MYO18A: variants seen among roughly 807,000 people sequenced by gnomAD.
The protein encoded by MYO18A is myosin XVIIIA, also known as unconventional myosin-XVIIIa.
Under a neutral mutation model 235.8 loss-of-function variants are expected in MYO18A, and 78 were observed. The ratio of observed to expected loss-of-function variants is 0.33; its 90% CI spans 0.28 to 0.40. MYO18A has a LOEUF of 0.40. MYO18A is among the 10% of genes least tolerant of loss of function. MYO18A has a pLI of 1.00. For missense variants in MYO18A, 2,215 were observed against 2,699.3 expected, an observed-to-expected ratio of 0.82 and a Z score of 3.98; for synonymous variants, 977 against 1,077.8, an observed-to-expected ratio of 0.91 and a Z score of 1.83.
rs773484681 is a variant in MYO18A at position 29,092,942 on chromosome 17, C to G, written c.4986G>C (p.Lys1662Asn). Reference sequence around the variant, plus strand: ...TGAGCTGGGCATCTGCCAGCAGGGCCTTGGTGCGCTTCAGGTCCTTCCGCA... The same window carrying G: ...TGAGCTGGGCATCTGCCAGCAGGGCGTTGGTGCGCTTCAGGTCCTTCCGCA... ...KRLRKDLKRT[K>N]ALLADAQLML... The change falls in exon 33 of 42, where the codon AAG becomes AAC. Residue 1662 changes from lysine to asparagine, a missense_variant. By Grantham distance (94) the Lys-to-Asn change is moderately conservative. Transcript: ENST00000527372. 6 of 1,613,912 alleles carry G rather than the reference C, an allele frequency of 3.7e-6. No individual in the cohort carries two copies. Among genetic ancestry groups the G allele is most frequent in the African/African-American group, 1.3e-5 (1 of 75,068 alleles).
chr17:29,096,678 T>G (rs1200395705), intron 28 of MYO18A, 83 bp downstream of exon 28: 8 of 1,417,236 alleles, frequency 5.6e-6, no homozygotes, highest in Non-Finnish European at 7.4e-6. Flanking sequence ...CCTTCCTTCT[T>G]TCCTCCCTGG....
intron 11 of MYO18A, among the ~76,000 whole-genome samples, chr17:29,116,225 A>C (rs2152839714): frequency 6.6e-6 from 1 of 152,322 alleles, no homozygotes; most frequent in Middle Eastern, 3.4e-3. Flanking sequence ...TTATCTTGAG[A>C]GATCGCTCAT....
At chr17:29,095,093 G>T in intron 28 of MYO18A, 34 bp from the exon 29 acceptor site, 2 of 1,496,312 alleles carry the variant, frequency 1.3e-6, no homozygotes, top group South Asian at 2.7e-5. Flanking sequence ...ATCAGATGGG[G>T]AAGAGCCAGG....
chr17:29,093,663 C>A (rs2066453948), intron 31 of MYO18A, among the ~76,000 whole-genome samples: 1 of 151,998 alleles, frequency 6.6e-6, no homozygotes, highest in African/African-American at 2.4e-5. Flanking sequence ...GTAGGAGAGA[C>A]CTTGCCGCAT....
chr17:29,165,860 G>T, intron 2 of MYO18A, 82 bp downstream of exon 2: 1 of 1,325,424 alleles, frequency 7.5e-7, no homozygotes. Flanking sequence ...AACAGCTCTT[G>T]GGTACCCCGA....
At chr17:29,082,145 T>C (rs1388617349) in intron 41 of MYO18A, among the ~76,000 whole-genome samples, 171 bp downstream of exon 41, 3 of 152,234 alleles carry the variant, frequency 2.0e-5, no homozygotes, top group Non-Finnish European at 4.4e-5. Context: ...GACGCAGCCC[T>C]GGCTAAGAAG....
chr17:29,104,323 G>A (rs867556605), intron 20 of MYO18A, among the ~76,000 whole-genome samples: 2 of 152,298 alleles, frequency 1.3e-5, no homozygotes, highest in South Asian at 2.1e-4. Flanking sequence ...AGGAGAACAC[G>A]CAGCAGGTGT....
rs2068282201 is a variant in MYO18A, at chr17:29,166,296, T to TGGGGGCAGGGGCACCACG, written c.627_644dup (p.Val210_Pro215dup). 5.6e-6 allele frequency: 9 copies of TGGGGGCAGGGGCACCACG among 1,612,504 alleles called. No homozygotes were observed. Among genetic ancestry groups the TGGGGGCAGGGGCACCACG allele is most frequent in the East Asian group, 2.2e-5 (1 of 44,864 alleles). On this transcript the variant is annotated inframe_insertion, in exon 2 of 42. Coordinates refer to ENST00000527372, the MANE Select transcript of MYO18A (RefSeq NM_078471.4). ...GCAGCTCCAGCTCCCGGAGGGTAGG[T>TGGGGGCAGGGGCACCACG]GGGGGCAGGGGCACCACGGGGGGCA...
At chr17:29,114,857 G>A (rs746244116) in intron 14 of MYO18A, 50 bp downstream of exon 14, 35 of 1,564,580 alleles carry the variant, frequency 2.2e-5, no homozygotes, top group Non-Finnish European at 2.9e-5. Context: ...CTCGCTGTGG[G>A]TGCCAAGGCC....
rs1461913806 is a variant in MYO18A, at chr17:29,090,610, G to A, written c.5310C>T (p.Ser1770=). 1 of 1,597,428 alleles carries A rather than the reference G, an allele frequency of 6.3e-7. No individual in the cohort carries two copies. The highest frequency in any genetic ancestry group is 1.1e-5 in the South Asian group (1 of 88,860). The change falls in exon 36 of 42, where the codon TCC becomes TCT. Residue 1770 remains serine, a synonymous_variant. Transcript: ENST00000527372. ...GATCATTTATCTGAGCCAGGTCCCG[G>A]GAAGCCTGGGAAAGGAATGAGAGCA... ...KKHKAAVAQA[S]RDLAQINDLQ...
intron 2 of MYO18A, among the ~76,000 whole-genome samples, chr17:29,154,121 T>TGTGTGTGTGCGCGCGCGCGCGCGCGCGC (rs142430455): frequency 6.7e-6 from 1 of 148,998 alleles, no homozygotes; most frequent in African/African-American, 2.5e-5. Flanking sequence ...TGTGTGTGTG[T>TGTGTGTGTGCGCGCGCGCGCGCGCGCGC]GCGCGCGCGT....
intron 2 of MYO18A, among the ~76,000 whole-genome samples, chr17:29,129,561 C>T (rs966658387): frequency 2.6e-5 from 4 of 152,202 alleles, no homozygotes; most frequent in Non-Finnish European, 5.9e-5. Flanking sequence ...CCTGGGTTCT[C>T]CTTGTTGGCC....
chr17:29,148,680 T>A (rs2067901349), intron 2 of MYO18A, among the ~76,000 whole-genome samples: 2 of 151,802 alleles, frequency 1.3e-5, no homozygotes, highest in African/African-American at 4.8e-5. Context: ...GGTATTGAGG[T>A]GCCAAGATTT....
At chr17:29,147,519 C>T (rs1196169349) in intron 2 of MYO18A, among the ~76,000 whole-genome samples, 25 of 149,516 alleles carry the variant, frequency 1.7e-4, no homozygotes, top group African/African-American at 5.9e-4. Context: ...GAGACCCTGC[C>T]TAAAAACAAA....
chr17:29,128,647 T>A (rs1567617203), intron 2 of MYO18A: 2 of 906,084 alleles, frequency 2.2e-6, no homozygotes, highest in East Asian at 6.8e-5. Flanking sequence ...CTGGAACAGA[T>A]CTCCCATTCA....
chr17:29,079,899 G>T, intron 41 of MYO18A: 1 of 985,908 alleles, frequency 1.0e-6, no homozygotes, highest in Non-Finnish European at 1.2e-6. Flanking sequence ...CGGTCGAGCC[G>T]CTGGATGACG....
At chr17:29,089,928 GT>G in intron 37 of MYO18A, 32 bp downstream of exon 37, 4 of 1,613,624 alleles carry the variant, frequency 2.5e-6, no homozygotes, top group Non-Finnish European at 3.4e-6. Flanking sequence ...GCTCTGCCCT[GT>G]TTGGTGTGGC....
intron 1 of MYO18A, among the ~76,000 whole-genome samples, chr17:29,176,351 G>T (rs749472635): frequency 6.6e-6 from 1 of 151,648 alleles, no homozygotes; most frequent in African/African-American, 2.4e-5. Flanking sequence ...TGTAAGTGGG[G>T]ACACATTTAA....
chr17:29,123,953 C>A (rs1402776618), intron 2 of MYO18A, among the ~76,000 whole-genome samples: 14 of 151,758 alleles, frequency 9.2e-5, no homozygotes, highest in African/African-American at 2.7e-4. Flanking sequence ...GAGGCTGAGG[C>A]AGGAGAATGG....
Sources: allele counts gnomAD v4.1 joint callset (sites outside exome capture counted in the v4.1 genomes callset), GRCh38; gene constraint gnomAD v4.1.1; transcripts MANE v1.5; gene names NCBI Gene and HGNC (gene_info 2026-07-23, HGNC 2026-07-21).